The following FNDC3B variants were observed in gnomAD, a reference collection of about 807,000 sequenced individuals.
FNDC3B encodes fibronectin type III domain containing 3B, also known as fibronectin type III domain-containing protein 3B.
FNDC3B carries 12 observed loss-of-function variants against 151.5 expected under a neutral mutation model. The ratio of observed to expected loss-of-function variants is 0.08; its 90% CI spans 0.05 to 0.13. The LOEUF (loss-of-function observed/expected upper bound fraction) is 0.13, where lower values mean the gene tolerates loss of function less well. Among genes scored for constraint, FNDC3B ranks in the 10% least tolerant of loss-of-function variants. FNDC3B has a pLI of 1.00. For synonymous variants in FNDC3B, 528 were observed against 549.0 expected (o/e 0.96, Z 0.54); for missense variants, 1,214 against 1,505.3 (o/e 0.81, Z 3.20).
intron 3 of FNDC3B, among the ~76,000 whole-genome samples, chr3:172,151,271 C>A (rs1024525909): frequency 1.3e-5 from 2 of 152,160 alleles, no homozygotes; most frequent in African/African-American, 4.8e-5. Context: ...TTTGTCTAAC[C>A]TTTTGGTAAA....
At chr3:172,114,895 A>G (rs548255676) in intron 2 of FNDC3B, among the ~76,000 whole-genome samples, 1 of 152,334 alleles carries the variant, frequency 6.6e-6, no homozygotes, top group East Asian at 1.9e-4. Flanking sequence ...ACAAGAAGGA[A>G]CTGTTTTGTC....
chr3:172,307,771 A>G lies in FNDC3B; in HGVS notation c.1200+270A>G, dbSNP rs1191487529. ...TCTTGTGATATGTTTGGTTTTCTGCATAGTAAGTATGTGCAACCAACTGTT... is the reference window on the plus strand; with the variant it reads ...TCTTGTGATATGTTTGGTTTTCTGCGTAGTAAGTATGTGCAACCAACTGTT... On this transcript the variant is annotated intron_variant, in intron 10 of 25. Transcript: ENST00000415807. 3.9e-5 allele frequency among the ~76,000 whole-genome samples: 6 copies of G among 152,190 alleles called. No homozygotes were observed. The South Asian group carries it at 1.0e-3, about 26-fold the overall frequency.
chr3:172,388,838 G>A (rs908579715), intron 25 of FNDC3B, among the ~76,000 whole-genome samples: 3 of 152,148 alleles, frequency 2.0e-5, no homozygotes, highest in African/African-American at 7.2e-5. Flanking sequence ...GCAAGGCGGG[G>A]CAGGGAAAGT....
chr3:172,259,598 A>G (rs1728537782), intron 6 of FNDC3B, among the ~76,000 whole-genome samples: 1 of 152,142 alleles, frequency 6.6e-6, no homozygotes, highest in Non-Finnish European at 1.5e-5. Flanking sequence ...AGACCCCTTT[A>G]TGATGATTTT....
chr3:172,275,824 G>GTT (rs35473822), intron 6 of FNDC3B, among the ~76,000 whole-genome samples: 1 of 148,998 alleles, frequency 6.7e-6, no homozygotes, highest in African/African-American at 2.5e-5. Flanking sequence ...TGATTATCTG[G>GTT]TTTTTTTTTT....
At chr3:172,140,147 A>G (rs1721549483) in intron 3 of FNDC3B, among the ~76,000 whole-genome samples, 1 of 152,132 alleles carries the variant, frequency 6.6e-6, no homozygotes, top group Admixed American at 6.6e-5. Flanking sequence ...ATATGGTGAG[A>G]GTTAATCCTC....
At chr3:172,357,002 A>C (rs1367679070) in intron 22 of FNDC3B, among the ~76,000 whole-genome samples, 2 of 152,114 alleles carry the variant, frequency 1.3e-5, no homozygotes, top group Non-Finnish European at 2.9e-5. Flanking sequence ...CTTTTAATAT[A>C]TTTTGTAGTA....
Position 172,185,516 on chromosome 3 carries a change from A to G in FNDC3B, c.188-41355A>G, listed in dbSNP as rs530214219. Among the ~76,000 whole-genome samples the G allele has an allele frequency of 3.3e-5, 5 of 152,338 alleles. No individual in the cohort carries two copies. The South Asian group carries it at 6.2e-4, about 19-fold the overall frequency. On this transcript the variant is annotated intron_variant, in intron 3 of 25. Coordinates refer to ENST00000415807, the MANE Select transcript of FNDC3B (RefSeq NM_022763.4). ...GACATTGAGTTCTTCTACAGAATGTATCTACCGTATTTTCAAGTTTTTAAG... is the reference window on the plus strand; with the variant it reads ...GACATTGAGTTCTTCTACAGAATGTGTCTACCGTATTTTCAAGTTTTTAAG...
At position 172,268,719 on chromosome 3, in the gene FNDC3B, C is replaced by G. The variant is rs1018282989; in HGVS notation, c.790+17178C>G. ...GAGGGGAGATCACATTATGTTACCT[C>G]TCTGGAATAGTTTCTCCAATCTTTC... On this transcript the variant is annotated intron_variant, in intron 6 of 25. Transcript: ENST00000415807. Among the ~76,000 whole-genome samples the G allele has an allele frequency of 5.9e-5, 9 of 152,310 alleles. No homozygotes were observed. In the East Asian group the frequency reaches 1.5e-3, roughly 26 times the overall value.
At chr3:172,075,721 G>A (rs994883331) in intron 1 of FNDC3B, among the ~76,000 whole-genome samples, 8 of 112,032 alleles carry the variant, frequency 7.1e-5, no homozygotes, top group African/African-American at 2.9e-4. Flanking sequence ...TTGTAGCCCA[G>A]TAAACACACA....
intron 6 of FNDC3B, among the ~76,000 whole-genome samples, chr3:172,259,934 C>A (rs1728562643): frequency 6.6e-6 from 1 of 152,112 alleles, no homozygotes; most frequent in African/African-American, 2.4e-5. Flanking sequence ...AAAAAGCATG[C>A]AAAAATAATT....
intron 1 of FNDC3B, among the ~76,000 whole-genome samples, chr3:172,070,998 A>G (rs761006279): frequency 6.6e-6 from 1 of 152,158 alleles, no homozygotes; most frequent in Non-Finnish European, 1.5e-5. Context: ...TTTCTAACTA[A>G]TCAGCATTTT....
In FNDC3B at chr3:172,149,806, G is replaced by GTTTTTTTTTTTT. The variant is rs10561622; in HGVS notation, c.187+16279_187+16290dup. On this transcript the variant is annotated intron_variant, in intron 3 of 25. Coordinates refer to ENST00000415807, the MANE Select transcript of FNDC3B (RefSeq NM_022763.4). ...TGTGTATACCTTTTGTATGTTGGGT[G>GTTTTTTTTTTTT]TTTTTTTTTTTTTTTTTTTTTTTTT... 2.1e-4 allele frequency among the ~76,000 whole-genome samples: 11 copies of GTTTTTTTTTTTT among 52,506 alleles called. 2 individuals are homozygous for GTTTTTTTTTTTT. The highest frequency in any genetic ancestry group is 7.0e-4 in the African/African-American group (9 of 12,774). The allele number at this position is 52,506 out of a possible 152,430, so 34.4% of individuals were successfully genotyped here. A position where few individuals can be genotyped will look rare whatever the true frequency, so the allele number is the denominator to read the frequency against.
chr3:172,167,462 G>A (rs959777121), intron 3 of FNDC3B, among the ~76,000 whole-genome samples: 10 of 152,218 alleles, frequency 6.6e-5, no homozygotes, highest in African/African-American at 2.4e-4. Context: ...TGTGTCTTCA[G>A]TATAAACCAT....
chr3:172,291,238 C>T (rs1488822651), intron 7 of FNDC3B, among the ~76,000 whole-genome samples: 2 of 152,178 alleles, frequency 1.3e-5, no homozygotes, highest in Non-Finnish European at 2.9e-5. Context: ...AGAACAACTG[C>T]TTTCAAGTTG....
chr3:172,392,504 C>CG (rs1736059383), intron 25 of FNDC3B, among the ~76,000 whole-genome samples: 1 of 152,114 alleles, frequency 6.6e-6, no homozygotes, highest in Non-Finnish European at 1.5e-5. Flanking sequence ...GCCTGGCCTC[C>CG]GTTCCAGACC....
intron 12 of FNDC3B, chr3:172,330,033 T>G (rs1218216253): frequency 6.8e-6 from 1 of 147,558 alleles, no homozygotes; most frequent in Non-Finnish European, 1.5e-5. Context: ...TTCTTTCCAG[T>G]GCTTTTGAGG....
chr3:172,156,649 A>G (rs893500816), intron 3 of FNDC3B, among the ~76,000 whole-genome samples: 1 of 151,384 alleles, frequency 6.6e-6, no homozygotes. Context: ...AAACCTAACC[A>G]TGAAAGGGAT....
At chr3:172,249,663 C>T (rs988809771) in intron 5 of FNDC3B, among the ~76,000 whole-genome samples, 7 of 152,126 alleles carry the variant, frequency 4.6e-5, no homozygotes, top group East Asian at 3.9e-4. Flanking sequence ...TGTAATACAT[C>T]GTGGTGTTTA....
Sources: gnomAD v4.1 joint callset for allele counts (sites outside exome capture counted in the v4.1 genomes callset) on GRCh38, gnomAD v4.1.1 for gene constraint, MANE v1.5 for transcripts, NCBI Gene and HGNC (gene_info 2026-07-23, HGNC 2026-07-21) for gene names.